Variants in ATP6V0E1 observed in about 807,000 individuals in gnomAD.
The protein encoded by ATP6V0E1 is V-type proton ATPase subunit e 1.
Under a neutral mutation model 11.6 loss-of-function variants are expected in ATP6V0E1, and 4 were observed. The ratio of observed to expected loss-of-function variants is 0.35; its 90% CI spans 0.17 to 0.79. ATP6V0E1 has a LOEUF of 0.79. ATP6V0E1 is among the 30% of genes least tolerant of loss of function. ATP6V0E1 has a pLI of 0.54. For synonymous variants in ATP6V0E1, 36 were observed against 34.8 expected (o/e 1.04, Z -0.13); for missense variants, 105 against 100.0 (o/e 1.05, Z -0.21).
chr5:172,985,254 A>T (rs1410538241), intron 1 of ATP6V0E1, among the ~76,000 whole-genome samples: 1 of 152,026 alleles, frequency 6.6e-6, no homozygotes, highest in East Asian at 1.9e-4. Context: ...CAAAAAAAAA[A>T]AAAAAAAAGA....
intron 3 of ATP6V0E1, among the ~76,000 whole-genome samples, chr5:173,032,278 T>C (rs1756676498): frequency 6.7e-6 from 1 of 149,560 alleles, no homozygotes; most frequent in African/African-American, 2.4e-5. Context: ...TATTTATTTA[T>C]TTATTTATTT....
intron 2 of ATP6V0E1, among the ~76,000 whole-genome samples, chr5:173,007,881 A>C (rs1756252441): frequency 6.6e-6 from 1 of 152,152 alleles, no homozygotes; most frequent in African/African-American, 2.4e-5. Context: ...GCATGGATGT[A>C]GTGGGAGTCC....
chr5:173,032,832 C>T (rs1034505857), intron 3 of ATP6V0E1, among the ~76,000 whole-genome samples: 1 of 152,202 alleles, frequency 6.6e-6, no homozygotes, highest in Admixed American at 6.5e-5. Context: ...TGTGATGGCT[C>T]ATGCCTGTAA....
chr5:173,032,267 T>C (rs1482874571), intron 3 of ATP6V0E1, among the ~76,000 whole-genome samples: 2 of 146,712 alleles, frequency 1.4e-5, no homozygotes, highest in Non-Finnish European at 3.0e-5. Flanking sequence ...ATTTATTTAT[T>C]TATTTATTTA....
intron 1 of ATP6V0E1, among the ~76,000 whole-genome samples, chr5:172,993,933 C>T (rs968975311): frequency 3.3e-5 from 5 of 151,968 alleles, no homozygotes; most frequent in Admixed American, 1.3e-4. Context: ...CTTCTTAGGG[C>T]GTGGACATGC....
chr5:173,015,629 G>C (rs1756388516), intron 2 of ATP6V0E1, among the ~76,000 whole-genome samples: 1 of 152,204 alleles, frequency 6.6e-6, no homozygotes, highest in South Asian at 2.1e-4. Context: ...AAAGCTGGAA[G>C]CTATTCCTGG....
intron 1 of ATP6V0E1, chr5:172,986,693 C>G (rs999599053): frequency 4.4e-6 from 2 of 451,390 alleles, no homozygotes; most frequent in Non-Finnish European, 8.9e-6. Context: ...TCCATTTTCA[C>G]AGATGGCAGG....
chr5:172,993,803 G>A (rs1442368274), intron 1 of ATP6V0E1, among the ~76,000 whole-genome samples: 1 of 151,660 alleles, frequency 6.6e-6, no homozygotes, highest in East Asian at 1.9e-4. Context: ...CCGAGGAGTT[G>A]GAGGTTACAG....
At chr5:173,021,914 A>C (rs537108570) in intron 3 of ATP6V0E1, among the ~76,000 whole-genome samples, 6 of 152,232 alleles carry the variant, frequency 3.9e-5, no homozygotes, top group Non-Finnish European at 2.9e-5. Context: ...GGGCGCATGT[A>C]GTCCCAGCTA....
chr5:173,019,590 T>C (rs760471843), intron 2 of ATP6V0E1, among the ~76,000 whole-genome samples: 38 of 151,810 alleles, frequency 2.5e-4, no homozygotes, highest in Admixed American at 1.4e-3. Context: ...TGTGACACCA[T>C]TTTACTTCCT....
rs1755841257 is a variant in ATP6V0E1 at position 172,983,883 on chromosome 5, T to A, written c.23T>A (p.Val8Glu). MAYHGLT[V>E]PLIVMSVFWG... is the part of the protein sequence containing the mutation. ...ACCATGGCGTATCACGGCCTCACTG[T>A]GCCTCTCATTGTGATGAGCGTGTTC... The change falls in exon 1 of 4, where the codon GTG becomes GAG. Residue 8 changes from valine to glutamate, a missense_variant. Transcript: ENST00000519374. 4 of 1,613,662 alleles carry A rather than the reference T, an allele frequency of 2.5e-6. No homozygotes were observed. The highest frequency in any genetic ancestry group is 1.3e-5 in the African/African-American group (1 of 74,936).
chr5:173,017,469 G>C (rs2113604495), intron 2 of ATP6V0E1, among the ~76,000 whole-genome samples: 1 of 151,558 alleles, frequency 6.6e-6, no homozygotes, highest in South Asian at 2.1e-4. Context: ...GGGAGGCAGA[G>C]GTTGCAGTGA....
chr5:173,019,326 C>T (rs1331813374), intron 2 of ATP6V0E1, among the ~76,000 whole-genome samples: 5 of 152,026 alleles, frequency 3.3e-5, no homozygotes, highest in Non-Finnish European at 5.9e-5. Context: ...GAGGCCGAGG[C>T]GGGCACATCA....
chr5:173,002,143 A>G lies in ATP6V0E1; in HGVS notation c.152+7321A>G, dbSNP rs186089347. Among the ~76,000 whole-genome samples the G allele has an allele frequency of 3.5e-3, 529 of 152,338 alleles. 2 individuals carry two copies. Among genetic ancestry groups the G allele is most frequent in the Non-Finnish European group, 5.7e-3 (391 of 68,038 alleles). On this transcript the variant is annotated intron_variant, in intron 2 of 3. Transcript: ENST00000519374. Reference sequence around the variant, plus strand: ...TCTCCACCCCAGATTATTCTGAAACAAATCCCAGACATATCAGTTCATCTG... The same window carrying G: ...TCTCCACCCCAGATTATTCTGAAACGAATCCCAGACATATCAGTTCATCTG...
In ATP6V0E1 at chr5:173,033,883, G is replaced by C. The variant is rs145863396; in HGVS notation, c.*37-516G>C. Among the ~76,000 whole-genome samples the C allele has an allele frequency of 1.6e-3, 250 of 152,118 alleles. 3 individuals are homozygous for C. The East Asian group carries it at 0.044, about 27-fold the overall frequency. On this transcript the variant is annotated intron_variant, in intron 3 of 3. Coordinates refer to ENST00000519374, the MANE Select transcript of ATP6V0E1 (RefSeq NM_003945.4). ...ATAAAACAAAACAAAAAAAAAGATG[G>C]TGTTGAATTTAAGCTGCTAGAAAAA...
At chr5:172,991,908 GA>G (rs1310795488) in intron 1 of ATP6V0E1, among the ~76,000 whole-genome samples, 1 of 152,032 alleles carries the variant, frequency 6.6e-6, no homozygotes, top group Non-Finnish European at 1.5e-5. Context: ...CTTAGAATTG[GA>G]ATCAGATTTT....
chr5:172,998,952 C>CACG (rs1217002258), intron 2 of ATP6V0E1, among the ~76,000 whole-genome samples: 5 of 152,072 alleles, frequency 3.3e-5, no homozygotes, highest in Admixed American at 3.3e-4. Flanking sequence ...TCCTGGCCAA[C>CACG]ACGGTGAAAC....
intron 1 of ATP6V0E1, among the ~76,000 whole-genome samples, chr5:172,985,628 T>C (rs983586369): frequency 2.6e-5 from 4 of 152,238 alleles, no homozygotes; most frequent in Non-Finnish European, 5.9e-5. Context: ...ATGGCCTTTG[T>C]ACTCAAAGAA....
intron 2 of ATP6V0E1, among the ~76,000 whole-genome samples, chr5:173,014,091 G>A (rs1486297513): frequency 6.6e-6 from 1 of 150,890 alleles, no homozygotes; most frequent in African/African-American, 2.4e-5. Context: ...AACCCGGGAG[G>A]TAGAGGTTGC....
Sources: gnomAD v4.1 joint callset for allele counts (sites outside exome capture counted in the v4.1 genomes callset) on GRCh38, gnomAD v4.1.1 for gene constraint, MANE v1.5 for transcripts, NCBI Gene and HGNC (gene_info 2026-07-23, HGNC 2026-07-21) for gene names.